SNX25: variants seen among roughly 807,000 people sequenced by gnomAD.
SNX25 encodes sorting nexin 25.
A neutral mutation model predicts 113.7 loss-of-function variants in SNX25; 62 were observed. The ratio of observed to expected loss-of-function variants is 0.55; its 90% CI spans 0.44 to 0.67. SNX25 has a LOEUF of 0.67. SNX25 is among the 30% of genes least tolerant of loss of function. The pLI, the probability that SNX25 is intolerant of heterozygous loss-of-function variation, is 0.00. For missense variants in SNX25, 1,014 were observed against 1,161.0 expected (o/e 0.87, Z 1.84); for synonymous variants, 421 against 436.2 (o/e 0.97, Z 0.43).
chr4:185,347,856 C>G (rs565723653), intron 13 of SNX25, among the ~76,000 whole-genome samples: 151 of 152,306 alleles, frequency 9.9e-4, no homozygotes, highest in African/African-American at 3.3e-3. Flanking sequence ...GATCTGAGTT[C>G]CTTGTCAGAT....
chr4:185,362,787 C>T (rs1484536591), intron 18 of SNX25, 76 bp downstream of exon 18: 22 of 1,106,054 alleles, frequency 2.0e-5, no homozygotes, highest in Non-Finnish European at 2.6e-5. Flanking sequence ...AAAACATGTG[C>T]CCCAGTGGCT....
At position 185,363,701 on chromosome 4, in the gene SNX25, C is replaced by T. The variant is rs879171031; in HGVS notation, c.*236C>T. On this transcript the variant is annotated 3_prime_UTR_variant, in exon 19 of 19. Coordinates refer to ENST00000652585, the MANE Select transcript of SNX25 (RefSeq NM_001378034.2). This position sits in a 1 kb window ranked among gnomAD's most constrained non-coding sequence, Gnocchi z 4.2. ...ATGAATACTTTAAAGATCAACATAC[C>T]GATTGAAATACAAATGTTAATATGT... 8.5e-5 allele frequency: 30 copies of T among 353,944 alleles called. No individual in the cohort carries two copies. The South Asian group carries it at 1.0e-3, about 12-fold the overall frequency. The allele number at this position is 353,944 out of a possible 1,614,324, so 21.9% of individuals were successfully genotyped here.
At chr4:185,281,216 A>G (rs1291037495) in intron 5 of SNX25, among the ~76,000 whole-genome samples, 3 of 152,148 alleles carry the variant, frequency 2.0e-5, no homozygotes, top group Non-Finnish European at 4.4e-5. Context: ...AGGCTGCTTC[A>G]AATTTATACA....
intron 6 of SNX25, among the ~76,000 whole-genome samples, chr4:185,302,381 G>C (rs1259827595): frequency 6.6e-6 from 1 of 151,992 alleles, no homozygotes; most frequent in East Asian, 1.9e-4. Flanking sequence ...GTGTCTTGTA[G>C]GGGGGCAGTC....
At chr4:185,265,545 CTG>C (rs1321622128) in intron 4 of SNX25, among the ~76,000 whole-genome samples, 19 of 142,580 alleles carry the variant, frequency 1.3e-4, no homozygotes, top group Non-Finnish European at 2.8e-4. Context: ...TGGGGAGTGA[CTG>C]TGAAGGCCTA....
chr4:185,337,146 G>A (rs1316964727), intron 10 of SNX25, among the ~76,000 whole-genome samples: 1 of 152,042 alleles, frequency 6.6e-6, no homozygotes, highest in African/African-American at 2.4e-5. Context: ...TTCTTTTGCT[G>A]TGCAGTAGCA....
downstream of SNX25, chr4:185,372,963 C>CT: frequency 6.2e-7 from 1 of 1,614,056 alleles, no homozygotes; most frequent in Non-Finnish European, 8.5e-7. Context: ...CTCTTAAGCA[C>CT]TGCAGGGCAG....
At chr4:185,378,314 C>T in the SNX25 span, 1 of 1,479,724 alleles carries the variant, frequency 6.8e-7, no homozygotes, top group Non-Finnish European at 8.9e-7. Flanking sequence ...ATCCTTCTCT[C>T]ATCGCCTAGA....
chr4:185,279,258 C>T (rs1474573064), intron 5 of SNX25, among the ~76,000 whole-genome samples: 3 of 152,076 alleles, frequency 2.0e-5, no homozygotes, highest in Non-Finnish European at 4.4e-5. Context: ...AACCTCCTAC[C>T]TGATGTGACT....
At chr4:185,376,693 A>G in the SNX25 span, among the ~76,000 whole-genome samples, 2 of 152,168 alleles carry the variant, frequency 1.3e-5, no homozygotes, top group Admixed American at 1.3e-4. Flanking sequence ...AACGACTCCC[A>G]TAAATGGCTT....
upstream of SNX25, among the ~76,000 whole-genome samples, chr4:185,204,797 G>A (rs1455466535): frequency 6.6e-6 from 1 of 152,220 alleles, no homozygotes; most frequent in African/African-American, 2.4e-5. Context: ...CAGAGGCAAT[G>A]AGCCAAGGAG....
At chr4:185,369,671 T>TA (rs1393517705) in intron 11 of SNX25, 20 of 400,252 alleles carry the variant, frequency 5.0e-5, no homozygotes, top group Non-Finnish European at 8.8e-5. Flanking sequence ...TATGTTTTAA[T>TA]ATGGCTTTGA....
rs397963554 is a variant in SNX25, at chr4:185,217,255, G to GAA, written c.429+7009_429+7010dup. Among the ~76,000 whole-genome samples, 244 of 149,698 alleles carry GAA rather than the reference G, an allele frequency of 1.6e-3. 2 individuals carry two copies. The highest frequency in any genetic ancestry group is 5.3e-3 in the African/African-American group (218 of 40,754). On this transcript the variant is annotated intron_variant, in intron 1 of 18. Coordinates refer to ENST00000652585, the MANE Select transcript of SNX25 (RefSeq NM_001378034.2). ...GTGATAGAGTGAGACTGTGTCTTGG[G>GAA]AAAAAAAAAAGAGAAATACTGTGTA...
chr4:185,326,700 G>A (rs1382615882), intron 9 of SNX25, among the ~76,000 whole-genome samples: 2 of 152,096 alleles, frequency 1.3e-5, no homozygotes, highest in African/African-American at 4.8e-5. Flanking sequence ...CTTCCTATAT[G>A]ATTTTATACC....
chr4:185,256,295 A>T (rs1033634407), intron 2 of SNX25, among the ~76,000 whole-genome samples: 1 of 152,210 alleles, frequency 6.6e-6, no homozygotes, highest in Non-Finnish European at 1.5e-5. Flanking sequence ...CTGAAAATTT[A>T]TCTAAACCTT....
chr4:185,360,751 C>G (rs2095357463), intron 16 of SNX25, among the ~76,000 whole-genome samples: 1 of 151,844 alleles, frequency 6.6e-6, no homozygotes, highest in Non-Finnish European at 1.5e-5. Context: ...AACCCCAGCT[C>G]TACTAAAAAT....
chr4:185,205,795 C>T (rs1299535198), upstream of SNX25, among the ~76,000 whole-genome samples: 1 of 152,190 alleles, frequency 6.6e-6, no homozygotes, highest in Non-Finnish European at 1.5e-5. Flanking sequence ...CGCCATTGTA[C>T]TCCAGCCTGG....
intron 6 of SNX25, among the ~76,000 whole-genome samples, chr4:185,294,961 A>G (rs1752653405): frequency 6.6e-6 from 1 of 152,114 alleles, no homozygotes; most frequent in Non-Finnish European, 1.5e-5. Flanking sequence ...GTTTTGATGT[A>G]TGGCTGGCAA....
chr4:185,258,202 C>T (rs966512990), intron 2 of SNX25, among the ~76,000 whole-genome samples: 6 of 152,134 alleles, frequency 3.9e-5, no homozygotes, highest in Non-Finnish European at 8.8e-5. Context: ...CAGATACCAC[C>T]GGTGAGGGAG....
Sources: allele counts gnomAD v4.1 joint callset (sites outside exome capture counted in the v4.1 genomes callset), GRCh38; gene constraint gnomAD v4.1.1; non-coding constraint Gnocchi (gnomAD v3.1); transcripts MANE v1.5; gene names NCBI Gene and HGNC (gene_info 2026-07-23, HGNC 2026-07-21).